Variants in EML6 observed in about 807,000 individuals in gnomAD.
EML6 encodes EMAP like 6, also known as echinoderm microtubule-associated protein-like 6.
A neutral mutation model predicts 240.1 loss-of-function variants in EML6; 154 were observed. That is an observed-to-expected ratio of 0.64 (90% CI 0.56 to 0.73). The LOEUF (loss-of-function observed/expected upper bound fraction) is 0.73, where lower values mean the gene tolerates loss of function less well. Ranked by LOEUF, EML6 falls within the 30% of genes least tolerant of loss-of-function variation. EML6 has a pLI of 0.00. For synonymous variants in EML6, 1,148 were observed against 899.0 expected (o/e 1.28, Z -4.95); for missense variants, 2,964 against 2,474.6 (o/e 1.20, Z -4.20).
At chr2:54,937,149 A>C (rs1031107647) in intron 28 of EML6, among the ~76,000 whole-genome samples, 1 of 151,802 alleles carries the variant, frequency 6.6e-6, no homozygotes, top group African/African-American at 2.4e-5. Context: ...TGTGGTGCAC[A>C]TGCCTGTAAT....
At chr2:54,732,819 G>C (rs1220008417) in intron 2 of EML6, among the ~76,000 whole-genome samples, 1 of 152,216 alleles carries the variant, frequency 6.6e-6, no homozygotes, top group East Asian at 1.9e-4. Context: ...GCAGTGTTTA[G>C]TAACTGCTGG....
At chr2:54,894,191 G>A (rs529321781) in intron 19 of EML6, among the ~76,000 whole-genome samples, 10 of 134,248 alleles carry the variant, frequency 7.4e-5, no homozygotes, top group South Asian at 2.3e-4. Flanking sequence ...GAATTACTCA[G>A]CTTTTTTCTT....
intron 21 of EML6, among the ~76,000 whole-genome samples, chr2:54,897,982 T>A (rs1016429071): frequency 6.6e-6 from 1 of 152,186 alleles, no homozygotes; most frequent in Non-Finnish European, 1.5e-5. Flanking sequence ...AGATCCACTT[T>A]GCCGGTTTTG....
intron 26 of EML6, among the ~76,000 whole-genome samples, chr2:54,926,594 A>G (rs10176018): frequency 0.35 from 53,339 of 152,080 alleles, 9,659 homozygotes; most frequent in Middle Eastern, 0.41. Context: ...ACCACTATAC[A>G]TCCCTGCCAG....
intron 28 of EML6, among the ~76,000 whole-genome samples, chr2:54,945,001 CATCCAT>C (rs1675607254): frequency 7.2e-6 from 1 of 139,180 alleles, no homozygotes; most frequent in African/African-American, 2.7e-5. Context: ...TCCCCTCCCC[CATCCAT>C]TCCTCCCTAC....
intron 12 of EML6, among the ~76,000 whole-genome samples, chr2:54,862,837 C>G (rs1302516327): frequency 2.0e-5 from 3 of 152,150 alleles, no homozygotes; most frequent in Admixed American, 6.5e-5. Flanking sequence ...AGTTGAAGGT[C>G]TAAGGTTTAC....
chr2:54,928,839 G>C (rs1046308288), intron 28 of EML6, 88 bp downstream of exon 28: 3 of 1,474,030 alleles, frequency 2.0e-6, no homozygotes, highest in Non-Finnish European at 2.8e-6. Context: ...TGCCCTCAAA[G>C]TTGCTGTTTA....
intron 25 of EML6, among the ~76,000 whole-genome samples, chr2:54,916,495 C>A (rs1459227231): frequency 7.7e-6 from 1 of 129,750 alleles, no homozygotes; most frequent in Non-Finnish European, 1.8e-5. Flanking sequence ...AACTAAAATA[C>A]CTTATTATTA....
At chr2:54,930,178 G>A (rs1674778143) in intron 28 of EML6, among the ~76,000 whole-genome samples, 2 of 152,134 alleles carry the variant, frequency 1.3e-5, no homozygotes, top group Admixed American at 1.3e-4. Flanking sequence ...TCCCAAGGGT[G>A]TTTCTGGCTG....
At chr2:54,844,527 A>C (rs1669645138) in intron 8 of EML6, among the ~76,000 whole-genome samples, 1 of 152,320 alleles carries the variant, frequency 6.6e-6, no homozygotes, top group African/African-American at 2.4e-5. Context: ...TTTATGAGCT[A>C]AGCACACTCA....
chr2:54,950,817 C>G, intron 30 of EML6, 38 bp downstream of exon 30: 1 of 1,537,298 alleles, frequency 6.5e-7, no homozygotes, highest in Non-Finnish European at 8.8e-7. Context: ...TTTCTTTTAG[C>G]TGTTTTTTAC....
At chr2:54,842,449 A>T (rs886694991) in intron 7 of EML6, among the ~76,000 whole-genome samples, 1 of 152,160 alleles carries the variant, frequency 6.6e-6, no homozygotes, top group Non-Finnish European at 1.5e-5. Flanking sequence ...TGGTCACCAT[A>T]ATTACAGTCT....
chr2:54,750,502 G>A (rs1001889664), intron 2 of EML6, among the ~76,000 whole-genome samples: 1 of 152,188 alleles, frequency 6.6e-6, no homozygotes, highest in Non-Finnish European at 1.5e-5. Flanking sequence ...AGTGGCTTAT[G>A]CCACTGGAAA....
In EML6 at chr2:54,968,757, A is replaced by G. The variant is rs764158016; in HGVS notation, c.5841A>G (p.Gly1947=). 6.5e-7 allele frequency: 1 copy of G among 1,532,698 alleles called. No homozygotes were observed. 94.9% of individuals were successfully genotyped at this position (1,532,698 alleles called of 1,614,324 possible). A position where few individuals can be genotyped will look rare whatever the true frequency, so the allele number is the denominator to read the frequency against. ...ACAAGTATGTGGTCAGCACTGGAGG[A>G]GACGACTGCAGGTACTAACGTAGCT... ...YDDKYVVSTG[G]DDCSVFVWRC... Residue 1947 remains glycine, a synonymous_variant, in exon 41 of 42, where the codon GGA becomes GGG. Coordinates refer to ENST00000356458, the MANE Select transcript of EML6 (RefSeq NM_001039753.4).
Position 54,928,575 on chromosome 2 carries a change from C to A in EML6, c.3878-50C>A, listed in dbSNP as rs1350105893. 4 of 1,551,548 alleles carry A rather than the reference C, an allele frequency of 2.6e-6. No homozygotes were observed. The African/African-American group carries it at 5.5e-5, about 21-fold the overall frequency. On this transcript the variant is annotated intron_variant, in intron 27 of 41. Coordinates refer to ENST00000356458, the MANE Select transcript of EML6 (RefSeq NM_001039753.4). ...AATGCACCTCCCAACACCTCCCTTC[C>A]TGGGCCACTGCAAACCAACTGGCTC...
Position 54,829,364 on chromosome 2 carries a change from C to G in EML6, c.734C>G (p.Ala245Gly). 1 of 1,551,664 alleles carries G rather than the reference C, an allele frequency of 6.4e-7. No homozygotes were observed. The highest frequency in any genetic ancestry group is 2.0e-5 in the Admixed American group (1 of 51,024). ...CAGGCTGGAATCTTTAGCATGTATGCTTGTGAAGAAGGCTTTGCCACTGGT... is the reference window on the plus strand; with the variant it reads ...CAGGCTGGAATCTTTAGCATGTATGGTTGTGAAGAAGGCTTTGCCACTGGT... ...AHSAGIFSMY[A>G]CEEGFATGGR... The change falls in exon 7 of 42, where the codon GCT (alanine) becomes GGT (glycine). Residue 245 changes from alanine (A) to glycine (G), a missense_variant. Ala to Gly is a moderately conservative substitution (Grantham distance 60). Coordinates refer to ENST00000356458, the MANE Select transcript of EML6 (RefSeq NM_001039753.4).
intron 2 of EML6, among the ~76,000 whole-genome samples, chr2:54,804,356 G>C (rs1226922743): frequency 6.6e-6 from 1 of 152,226 alleles, no homozygotes; most frequent in Non-Finnish European, 1.5e-5. Flanking sequence ...GCTCCAGAAA[G>C]CTGGATTTCA....
chr2:54,835,029 G>A (rs1463013937), intron 7 of EML6, among the ~76,000 whole-genome samples: 1 of 151,970 alleles, frequency 6.6e-6, no homozygotes, highest in African/African-American at 2.4e-5. Context: ...CTTCGCCCTG[G>A]CTGCTCCTTC....
chr2:54,883,549 C>T (rs1235620279), intron 17 of EML6, among the ~76,000 whole-genome samples: 1 of 152,174 alleles, frequency 6.6e-6, no homozygotes, highest in Non-Finnish European at 1.5e-5. Context: ...CTGGAAGAGG[C>T]TCCTTCCTTC....
Sources: gnomAD v4.1 joint callset for allele counts (sites outside exome capture counted in the v4.1 genomes callset) on GRCh38, gnomAD v4.1.1 for gene constraint, MANE v1.5 for transcripts, NCBI Gene and HGNC (gene_info 2026-07-23, HGNC 2026-07-21) for gene names.